KCNH5: variants seen among roughly 807,000 people sequenced by gnomAD.
KCNH5 encodes voltage-gated delayed rectifier potassium channel KCNH5.
In KCNH5, 46 loss-of-function variants were observed where a neutral mutation model predicts 96.1. The ratio of observed to expected loss-of-function variants is 0.48; its 90% confidence interval spans 0.38 to 0.61. KCNH5 has a LOEUF of 0.61. Ranked by LOEUF, KCNH5 falls within the 20% of genes least tolerant of loss-of-function variation. The pLI is 0.00. For synonymous variants in KCNH5, 439 were observed against 449.8 expected (o/e 0.98, Z 0.30); for missense variants, 907 against 1,225.8 (o/e 0.74, Z 3.88).
At chr14:62,960,103 T>C (rs1228002111) in intron 6 of KCNH5, among the ~76,000 whole-genome samples, 2 of 152,152 alleles carry the variant, frequency 1.3e-5, no homozygotes, top group East Asian at 1.9e-4. Context: ...AATATGTCAT[T>C]CTCCCTCGAA....
rs1437634919 is a variant in KCNH5 at position 62,703,694 on chromosome 14, T to C, written c.*3814A>G. On this transcript the variant is annotated 3_prime_UTR_variant, in exon 11 of 11. Transcript: ENST00000322893. Reference sequence around the variant, plus strand: ...ATTAAGATGAGAAGAGAAATACTTTTACACCTAATAGAAAAAATTATAGCA... The same window carrying C: ...ATTAAGATGAGAAGAGAAATACTTTCACACCTAATAGAAAAAATTATAGCA... 1 of 151,848 alleles carries C rather than the reference T, an allele frequency of 6.6e-6. No homozygotes were observed. Among genetic ancestry groups the C allele is most frequent in the Non-Finnish European group, 1.5e-5 (1 of 67,780 alleles). 9.4% of individuals were successfully genotyped at this position (151,848 alleles called of 1,614,324 possible). A position where few individuals can be genotyped will look rare whatever the true frequency, so the allele number is the denominator to read the frequency against.
intron 6 of KCNH5, among the ~76,000 whole-genome samples, chr14:62,955,097 A>G (rs922387254): frequency 1.3e-5 from 2 of 151,486 alleles, no homozygotes. Flanking sequence ...AAAAAAAAAA[A>G]CCCCTCAAAA....
At position 62,853,460 on chromosome 14, in the gene KCNH5, T is replaced by TATATATATATATATATATC. The variant is rs1555360144; in HGVS notation, c.1370-3609_1370-3608insGATATATATATATATATAT. ...TTCCCAAACAAAAAGAATAATCATA[T>TATATATATATATATATATC]ATATATATATATATATATATCATAT... On this transcript the variant is annotated intron_variant, in intron 7 of 10. Transcript: ENST00000322893. Among the ~76,000 whole-genome samples, 44 of 89,532 alleles carry TATATATATATATATATATC rather than the reference T, an allele frequency of 4.9e-4. 1 individual carries two copies. The highest frequency in any genetic ancestry group is 1.5e-3 in the African/African-American group (38 of 25,662). The allele number at this position is 89,532 out of a possible 152,430, so 58.7% of individuals were successfully genotyped here.
intron 4 of KCNH5, among the ~76,000 whole-genome samples, chr14:62,995,644 T>G (rs900520235): frequency 2.0e-5 from 3 of 152,144 alleles, no homozygotes; most frequent in Non-Finnish European, 4.4e-5. Context: ...AATCCTGCTG[T>G]GTTTCTCTTG....
At chr14:62,812,710 T>A (rs12147102) in intron 8 of KCNH5, among the ~76,000 whole-genome samples, 4,819 of 152,178 alleles carry the variant, frequency 0.032, 148 homozygotes, top group South Asian at 0.082. Context: ...TCTTTGAATA[T>A]ACTTAAAATG....
intron 4 of KCNH5, among the ~76,000 whole-genome samples, chr14:62,999,097 G>C (rs10136345): frequency 0.097 from 14,804 of 152,064 alleles, 1,109 homozygotes; most frequent in East Asian, 0.21. Flanking sequence ...TCTAGATCCC[G>C]GAGGAATCGC....
intron 4 of KCNH5, among the ~76,000 whole-genome samples, chr14:62,997,944 T>G (rs1890940194): frequency 6.6e-6 from 1 of 151,148 alleles, no homozygotes; most frequent in Non-Finnish European, 1.5e-5. Flanking sequence ...ATGTCTGTAG[T>G]TTTCCTTTCT....
At chr14:62,948,612 C>T (rs1280372757) in intron 7 of KCNH5, among the ~76,000 whole-genome samples, 1 of 151,506 alleles carries the variant, frequency 6.6e-6, no homozygotes, top group Non-Finnish European at 1.5e-5. Context: ...CCTTCTGAAA[C>T]TATTCCAATC....
chr14:62,723,719 A>G (rs918298708), intron 10 of KCNH5, among the ~76,000 whole-genome samples: 14 of 152,218 alleles, frequency 9.2e-5, no homozygotes, highest in African/African-American at 3.4e-4. Flanking sequence ...AAATTTGGCC[A>G]AGCCACTTTG....
At chr14:62,879,145 C>G (rs1158800777) in intron 7 of KCNH5, among the ~76,000 whole-genome samples, 1 of 151,974 alleles carries the variant, frequency 6.6e-6, no homozygotes, top group Non-Finnish European at 1.5e-5. Context: ...TTAATAGAAA[C>G]TAAAATCACA....
At chr14:62,715,905 C>T (rs997783397) in intron 10 of KCNH5, among the ~76,000 whole-genome samples, 3 of 152,050 alleles carry the variant, frequency 2.0e-5, no homozygotes, top group African/African-American at 7.2e-5. Context: ...GCTAATGTGG[C>T]AGGTGATGCC....
At chr14:62,976,196 C>T (rs747677630) in intron 6 of KCNH5, among the ~76,000 whole-genome samples, 2 of 151,410 alleles carry the variant, frequency 1.3e-5, no homozygotes, top group South Asian at 2.1e-4. Context: ...GTCAAGAGAT[C>T]GAGACCATCC....
At chr14:62,944,959 G>A (rs969768628) in intron 7 of KCNH5, among the ~76,000 whole-genome samples, 1 of 152,016 alleles carries the variant, frequency 6.6e-6, no homozygotes, top group Non-Finnish European at 1.5e-5. Context: ...GAAACTCAGA[G>A]AAGAAAACAA....
At chr14:63,033,784 T>G (rs1384243132) in intron 1 of KCNH5, among the ~76,000 whole-genome samples, 1 of 95,766 alleles carries the variant, frequency 1.0e-5, no homozygotes, top group African/African-American at 5.0e-5. Context: ...ATGGCAGGTA[T>G]TTTTTTTTTT....
chr14:62,803,466 G>C (rs1188025740), intron 8 of KCNH5, among the ~76,000 whole-genome samples: 2 of 152,156 alleles, frequency 1.3e-5, no homozygotes, highest in Non-Finnish European at 2.9e-5. Flanking sequence ...GTATTGACCA[G>C]CCTTCTGTAA....
At chr14:62,952,410 A>C (rs1478389807) in intron 6 of KCNH5, among the ~76,000 whole-genome samples, 1 of 152,202 alleles carries the variant, frequency 6.6e-6, no homozygotes, top group African/African-American at 2.4e-5. Flanking sequence ...TACAAAAATA[A>C]ACATTTATGG....
At chr14:62,924,528 A>T (rs1387403485) in intron 7 of KCNH5, among the ~76,000 whole-genome samples, 2 of 152,028 alleles carry the variant, frequency 1.3e-5, no homozygotes, top group Non-Finnish European at 2.9e-5. Context: ...TCCTTTGTTC[A>T]TTGCAGCATT....
intron 10 of KCNH5, among the ~76,000 whole-genome samples, chr14:62,731,022 C>T (rs1299812470): frequency 6.6e-6 from 1 of 151,966 alleles, no homozygotes; most frequent in African/African-American, 2.4e-5. Context: ...AATCACAGAC[C>T]AGGTGCAGTG....
In KCNH5 at chr14:62,965,842, T is replaced by C. The variant is rs539221208; in HGVS notation, c.942+15030A>G. ...CTTTGCCATCATAGGTAAGATGTCA[T>C]TAAATAGATGTTCTTTTTTAAAACT... On this transcript the variant is annotated intron_variant, in intron 6 of 10. Transcript: ENST00000322893. Among the ~76,000 whole-genome samples the C allele has an allele frequency of 3.9e-5, 6 of 152,304 alleles. No individual in the cohort carries two copies. In the South Asian group the frequency reaches 1.2e-3, roughly 32 times the overall value.
Sources: allele counts gnomAD v4.1 joint callset (sites outside exome capture counted in the v4.1 genomes callset), GRCh38; gene constraint gnomAD v4.1.1; transcripts MANE v1.5; gene names NCBI Gene and HGNC (gene_info 2026-07-23, HGNC 2026-07-21).